The following KLK5 variants were observed in gnomAD, a reference collection of about 807,000 sequenced individuals.
KLK5 encodes kallikrein related peptidase 5.
In KLK5, 18 loss-of-function variants were observed where a neutral mutation model predicts 24.0. The ratio of observed to expected loss-of-function variants is 0.75; its 90% confidence interval spans 0.52 to 1.11. The LOEUF (loss-of-function observed/expected upper bound fraction) is 1.11, where lower values mean the gene tolerates loss of function less well. KLK5 is among the 50% of genes most tolerant of loss of function. The pLI is 0.00. For missense variants in KLK5, 374 were observed against 379.2 expected (o/e 0.99, Z 0.11); for synonymous variants, 140 against 154.0 (o/e 0.91, Z 0.67).
In KLK5 at chr19:50,952,799, C is replaced by T. The variant is rs967629136; in HGVS notation, c.-64G>A. The T allele has an allele frequency of 6.6e-5, 36 of 547,108 alleles. No homozygotes were observed. In the East Asian group the frequency reaches 6.9e-4, roughly 10 times the overall value. The allele number at this position is 547,108 out of a possible 1,614,324, so 33.9% of individuals were successfully genotyped here. A position where few individuals can be genotyped will look rare whatever the true frequency, so the allele number is the denominator to read the frequency against. ...CAAGGACGGGCCACCATCGGCACTG[C>T]GCTGAGACCCAGGCACTATAGAATT... On this transcript the variant is annotated 5_prime_UTR_variant, in exon 1 of 6. Transcript: ENST00000336334.
chr19:50,950,162 G>C, intron 2 of KLK5, 46 bp from the exon 3 acceptor site: 1 of 1,582,468 alleles, frequency 6.3e-7, no homozygotes, highest in Non-Finnish European at 8.6e-7. Context: ...GCGGGGCTTG[G>C]GCTGGGGGTG....
chr19:50,948,818 G>C, intron 4 of KLK5, 41 bp downstream of exon 4: 2 of 1,614,020 alleles, frequency 1.2e-6, no homozygotes, highest in Non-Finnish European at 1.7e-6. Context: ...GATGGAAGGC[G>C]GCAGAGATGG....
chr19:50,952,570 C>A lies in KLK5; in HGVS notation c.73+15G>T. The A allele has an allele frequency of 6.3e-7, 1 of 1,591,848 alleles. No individual in the cohort carries two copies. The highest frequency in any genetic ancestry group is 1.1e-5 in the South Asian group (1 of 88,180). On this transcript the variant is annotated intron_variant, in intron 2 of 5. Transcript: ENST00000336334. ...TCCCAATCCCACAACCCTCCCACCC[C>A]AGAGTTCTGGTTACCTGTGACCCCC...
intron 5 of KLK5, among the ~76,000 whole-genome samples, chr19:50,945,707 C>T (rs545510797): frequency 5.7e-4 from 87 of 151,598 alleles, no homozygotes; most frequent in African/African-American, 2.0e-3. Flanking sequence ...GGAAGAAATG[C>T]TTGAACCCAG....
At chr19:50,943,899 C>T (rs1013539340) in intron 5 of KLK5, 113 bp from the exon 6 acceptor site, 27 of 731,550 alleles carry the variant, frequency 3.7e-5, no homozygotes, top group Non-Finnish European at 2.4e-5. Flanking sequence ...GGAACAGACA[C>T]ACAGAGATGG....
At chr19:50,952,520 C>T (rs1336809179) in intron 2 of KLK5, 65 bp downstream of exon 2, 16 of 1,237,216 alleles carry the variant, frequency 1.3e-5, no homozygotes, top group Middle Eastern at 3.9e-4. Flanking sequence ...AGGGGACAGG[C>T]GCTCTAGTGC....
chr19:50,952,903 C>T lies in KLK5; in HGVS notation c.-168G>A. ...GATGTGGGTGCAGGACGCACAGACA[C>T]CTCTCCTTCCCTGCCTGCTGAGCCA... is the stretch of plus-strand genomic sequence containing the variant. On this transcript the variant is annotated 5_prime_UTR_variant, in exon 1 of 6. It adds an upstream start codon to the 5' untranslated region. Coordinates refer to ENST00000336334, the MANE Select transcript of KLK5 (RefSeq NM_012427.5). 2.8e-6 allele frequency: 1 copy of T among 355,116 alleles called. No homozygotes were observed. The highest frequency in any genetic ancestry group is 4.9e-6 in the Non-Finnish European group (1 of 202,490). 22.0% of individuals were successfully genotyped at this position (355,116 alleles called of 1,614,324 possible). A position where few individuals can be genotyped will look rare whatever the true frequency, so the allele number is the denominator to read the frequency against.
chr19:50,948,854 C>G lies in KLK5; in HGVS notation c.592+5G>C. On this transcript the variant is annotated splice_donor_5th_base_variant and intron_variant, in intron 4 of 5. Transcript: ENST00000336334. The stretch of plus-strand genomic sequence containing the variant: ...GTCGGTATCAAGAAGAACCTGGACA[C>G]TCACCTTGGGGGCTCTTGGTTGTCC... 6.2e-7 allele frequency: 1 copy of G among 1,614,102 alleles called. No individual in the cohort carries two copies. Among genetic ancestry groups the G allele is most frequent in the African/African-American group, 1.3e-5 (1 of 75,014 alleles).
chr19:50,946,606 C>T (rs560963823), intron 5 of KLK5, among the ~76,000 whole-genome samples: 3 of 151,840 alleles, frequency 2.0e-5, no homozygotes, highest in Admixed American at 6.6e-5. Flanking sequence ...GTTGCCCAGG[C>T]TGGAGTGCAG....
At chr19:50,950,954 G>A (rs1355619336) in intron 2 of KLK5, among the ~76,000 whole-genome samples, 1 of 152,018 alleles carries the variant, frequency 6.6e-6, no homozygotes, top group Non-Finnish European at 1.5e-5. Context: ...CAGAATAGGG[G>A]GTGGAGCCTG....
chr19:50,949,245 C>T, intron 3 of KLK5, 130 bp from the exon 4 acceptor site: 1 of 824,520 alleles, frequency 1.2e-6, no homozygotes, highest in Non-Finnish European at 1.9e-6. Flanking sequence ...TCCTCAACTC[C>T]CTCTTGGTCT....
At chr19:50,949,794 T>TCCCCCTCCCCCCCAGC in intron 3 of KLK5, 61 bp downstream of exon 3, 1 of 109,248 alleles carries the variant, frequency 9.2e-6, no homozygotes, top group Non-Finnish European at 1.7e-5. Context: ...CACCCCCACT[T>TCCCCCTCCCCCCCAGC]CCCCACCCCC....
At chr19:50,945,056 CTTTCTCCTTCCTTCCTT>C (rs1302049938) in intron 5 of KLK5, among the ~76,000 whole-genome samples, 2,023 of 137,206 alleles carry the variant, frequency 0.015, 48 homozygotes, top group African/African-American at 0.052. Flanking sequence ...TCCTTCCTTT[CTTTCTCCTTCCTTCCTT>C]CCTTTCTCTC....
At position 50,943,543 on chromosome 19, in the gene KLK5, T is replaced by C. The variant is rs2090606439; in HGVS notation, c.*88A>G. The C allele has an allele frequency of 2.4e-6, 3 of 1,257,464 alleles. No homozygotes were observed. Among genetic ancestry groups the C allele is most frequent in the Non-Finnish European group, 3.4e-6 (3 of 877,300 alleles). The allele number at this position is 1,257,464 out of a possible 1,614,324, so 77.9% of individuals were successfully genotyped here. A position where few individuals can be genotyped will look rare whatever the true frequency, so the allele number is the denominator to read the frequency against. On this transcript the variant is annotated 3_prime_UTR_variant, in exon 6 of 6. Coordinates refer to ENST00000336334, the MANE Select transcript of KLK5 (RefSeq NM_012427.5). ...GCTGGAGAGATGAACATTCTCAACA[T>C]CTCTGGGAAGGAATGAGGGTCTGAA...
chr19:50,948,017 A>G (rs903889738), intron 5 of KLK5, among the ~76,000 whole-genome samples: 2 of 152,236 alleles, frequency 1.3e-5, no homozygotes, highest in African/African-American at 2.4e-5. Flanking sequence ...AAAAGAATGT[A>G]AAGTATCTCA....
intron 3 of KLK5, 106 bp from the exon 4 acceptor site, chr19:50,949,221 C>G: frequency 8.7e-7 from 1 of 1,155,356 alleles, no homozygotes; most frequent in Non-Finnish European, 1.2e-6. Flanking sequence ...TCCCCACCCC[C>G]GGTCCCCAAA....
In KLK5 at chr19:50,943,386, G is replaced by A. The variant is rs560825538; in HGVS notation, c.*245C>T. On this transcript the variant is annotated 3_prime_UTR_variant, in exon 6 of 6. Transcript: ENST00000336334. ...GGGCCCTGAGCTTGAGGATGAAAGT[G>A]CCCCAGGGAGATTGAGACGCAACCC... is the stretch of plus-strand genomic sequence containing the variant. The A allele has an allele frequency of 1.2e-4, 50 of 424,584 alleles. No individual in the cohort carries two copies. Among genetic ancestry groups the A allele is most frequent in the Middle Eastern group, 6.2e-4 (1 of 1,602 alleles). The allele number at this position is 424,584 out of a possible 1,614,324, so 26.3% of individuals were successfully genotyped here.
intron 5 of KLK5, among the ~76,000 whole-genome samples, chr19:50,945,933 A>G (rs2090629414): frequency 6.6e-6 from 1 of 152,012 alleles, no homozygotes. Flanking sequence ...CTGGTCTTGA[A>G]CTCCTGAGCT....
rs1442351648 is a variant in KLK5 at position 50,947,526 on chromosome 19, C to G, written c.726+1114G>C. Among the ~76,000 whole-genome samples, 1 of 152,170 alleles carries G rather than the reference C, an allele frequency of 6.6e-6. No homozygotes were observed. The highest frequency in any genetic ancestry group is 1.5e-5 in the Non-Finnish European group (1 of 68,028). On this transcript the variant is annotated intron_variant, in intron 5 of 5. Coordinates refer to ENST00000336334, the MANE Select transcript of KLK5 (RefSeq NM_012427.5). The surrounding 1 kb of genome is among the most constrained non-coding windows in gnomAD (Gnocchi z 8.7). Reference sequence around the variant, plus strand: ...TTTATTTTGGGGTTAACCTTTACCACTCTCTGAAATTGCCCTATTTATGCA... The same window carrying G: ...TTTATTTTGGGGTTAACCTTTACCAGTCTCTGAAATTGCCCTATTTATGCA...
Sources: gnomAD v4.1 joint callset for allele counts (sites outside exome capture counted in the v4.1 genomes callset) on GRCh38, gnomAD v4.1.1 for gene constraint, Gnocchi (gnomAD v3.1) non-coding constraint, MANE v1.5 for transcripts, NCBI Gene and HGNC (gene_info 2026-07-23, HGNC 2026-07-21) for gene names.